Variants in GRM5 observed in about 807,000 individuals in gnomAD.
GRM5 encodes the protein glutamate metabotropic receptor 5, also known as metabotropic glutamate receptor 5.
In GRM5, 19 loss-of-function variants were observed where a neutral mutation model predicts 83.1. The ratio of observed to expected loss-of-function variants is 0.23; its 90% CI spans 0.16 to 0.34. GRM5 has a LOEUF of 0.34. GRM5 is among the 10% of genes least tolerant of loss of function. GRM5 has a pLI of 1.00. For missense variants in GRM5, 1,160 were observed against 1,588.3 expected (o/e 0.73, Z 4.58); for synonymous variants, 675 against 633.6 (o/e 1.07, Z -0.98).
chr11:88,912,808 G>C (rs953821404), intron 2 of GRM5, among the ~76,000 whole-genome samples: 9 of 152,170 alleles, frequency 5.9e-5, no homozygotes, highest in Non-Finnish European at 1.0e-4. Context: ...TCCATTCCTT[G>C]GATGTGAGTT....
chr11:88,988,749 C>A (rs879022171), intron 2 of GRM5, among the ~76,000 whole-genome samples: 7 of 149,186 alleles, frequency 4.7e-5, no homozygotes, highest in Non-Finnish European at 7.4e-5. Context: ...AATTTCATAT[C>A]CAGCCAAACT....
At chr11:88,988,654 C>T (rs927243281) in intron 2 of GRM5, among the ~76,000 whole-genome samples, 110 of 151,576 alleles carry the variant, frequency 7.3e-4, no homozygotes, top group African/African-American at 2.6e-3. Flanking sequence ...AGACTAACAG[C>T]GGATCTCTCG....
chr11:88,816,367 C>T (rs1010366720), intron 3 of GRM5, among the ~76,000 whole-genome samples: 1 of 150,492 alleles, frequency 6.6e-6, no homozygotes, highest in Non-Finnish European at 1.5e-5. Context: ...AGTGAAGCCC[C>T]ATCTCTACTA....
chr11:88,980,802 AAC>A (rs1270882651), intron 2 of GRM5, among the ~76,000 whole-genome samples: 1 of 152,092 alleles, frequency 6.6e-6, no homozygotes, highest in Non-Finnish European at 1.5e-5. Flanking sequence ...CAGCCTGGGC[AAC>A]ACAGTGAGAC....
intron 3 of GRM5, among the ~76,000 whole-genome samples, chr11:88,806,684 C>T (rs988715612): frequency 2.0e-5 from 3 of 152,112 alleles, no homozygotes; most frequent in Non-Finnish European, 4.4e-5. Flanking sequence ...TGGAGTAGAT[C>T]AAGCTCATCT....
At chr11:88,516,486 G>A (rs1941523181) in intron 9 of GRM5, among the ~76,000 whole-genome samples, 1 of 152,156 alleles carries the variant, frequency 6.6e-6, no homozygotes, top group South Asian at 2.1e-4. Flanking sequence ...AATCCTGAGG[G>A]ACTGTAAGAT....
rs1354822723 is a variant in GRM5, at chr11:88,948,055, G to A, written c.662-97900C>T. Among the ~76,000 whole-genome samples, 2 of 152,204 alleles carry A rather than the reference G, an allele frequency of 1.3e-5. 1 individual carries two copies. The highest frequency in any genetic ancestry group is 4.1e-4 in the South Asian group (2 of 4,826). ...GAAAATGGAGGCCAAAAGGATAGGT[G>A]GAGGAGAAGGGAGGGGAGCTTGGGA... On this transcript the variant is annotated intron_variant, in intron 2 of 9. Transcript: ENST00000305447.
At chr11:88,676,455 T>A (rs991468037) in intron 3 of GRM5, among the ~76,000 whole-genome samples, 5 of 152,044 alleles carry the variant, frequency 3.3e-5, no homozygotes, top group African/African-American at 9.7e-5. Flanking sequence ...GCAGGAATTG[T>A]ATATTGAATA....
intron 3 of GRM5, among the ~76,000 whole-genome samples, chr11:88,733,640 GA>G (rs1941852089): frequency 6.6e-6 from 1 of 152,004 alleles, no homozygotes; most frequent in Admixed American, 6.6e-5. Context: ...TGAAAATTAA[GA>G]AGCTGAAAAT....
chr11:88,851,767 G>A (rs1944393406), intron 2 of GRM5, among the ~76,000 whole-genome samples: 1 of 152,196 alleles, frequency 6.6e-6, no homozygotes, highest in Non-Finnish European at 1.5e-5. Flanking sequence ...GCAGAGCAGA[G>A]CAGGTCAGCT....
At chr11:88,848,705 A>G (rs2135538711) in intron 3 of GRM5, among the ~76,000 whole-genome samples, 1 of 152,328 alleles carries the variant, frequency 6.6e-6, no homozygotes, top group Non-Finnish European at 1.5e-5. Context: ...TTGTCTTACT[A>G]ATTATGATAG....
chr11:88,666,481 A>C (rs536095441), intron 3 of GRM5, among the ~76,000 whole-genome samples: 1 of 152,252 alleles, frequency 6.6e-6, no homozygotes, highest in Non-Finnish European at 1.5e-5. Flanking sequence ...GTGAGAACTC[A>C]CTCAGGAGGA....
At chr11:88,702,710 G>A (rs1941062870) in intron 3 of GRM5, among the ~76,000 whole-genome samples, 1 of 152,092 alleles carries the variant, frequency 6.6e-6, no homozygotes, top group South Asian at 2.1e-4. Context: ...ATGGAGATAA[G>A]TATATAAAGA....
intron 3 of GRM5, among the ~76,000 whole-genome samples, chr11:88,812,331 G>A (rs1038903508): frequency 6.6e-6 from 1 of 152,082 alleles, no homozygotes; most frequent in African/African-American, 2.4e-5. Context: ...CCATATTTGT[G>A]AGAGATGCTC....
chr11:88,780,496 A>G (rs1298397606), intron 3 of GRM5, among the ~76,000 whole-genome samples: 1 of 152,122 alleles, frequency 6.6e-6, no homozygotes. Flanking sequence ...GGGTGAGTCA[A>G]TCTTCTCAAC....
chr11:88,766,285 C>T (rs944264223), intron 3 of GRM5, among the ~76,000 whole-genome samples: 1 of 151,970 alleles, frequency 6.6e-6, no homozygotes, highest in African/African-American at 2.4e-5. Context: ...CTGGAGGCAT[C>T]ACATTACCTG....
At chr11:89,003,976 T>C (rs1385114817) in intron 2 of GRM5, among the ~76,000 whole-genome samples, 2 of 152,134 alleles carry the variant, frequency 1.3e-5, no homozygotes, top group South Asian at 2.1e-4. Flanking sequence ...ACTGGAAATA[T>C]AAGCTGAATA....
intron 8 of GRM5, among the ~76,000 whole-genome samples, chr11:88,547,816 G>A (rs1334458457): frequency 6.6e-6 from 1 of 152,052 alleles, no homozygotes; most frequent in Non-Finnish European, 1.5e-5. Context: ...GTAAAAATTA[G>A]CATATTTTTA....
intron 7 of GRM5, among the ~76,000 whole-genome samples, chr11:88,578,532 C>T (rs1200280370): frequency 6.6e-6 from 1 of 152,090 alleles, no homozygotes; most frequent in African/African-American, 2.4e-5. Flanking sequence ...GAACATTTTT[C>T]ATCGAGTGGT....
Sources: allele counts gnomAD v4.1 joint callset (sites outside exome capture counted in the v4.1 genomes callset), GRCh38; gene constraint gnomAD v4.1.1; transcripts MANE v1.5; gene names NCBI Gene and HGNC (gene_info 2026-07-23, HGNC 2026-07-21).